The following BTRC variants were observed in gnomAD, a reference collection of about 807,000 sequenced individuals.
BTRC encodes F-box/WD repeat-containing protein 1A.
Under a neutral mutation model 85.5 loss-of-function variants are expected in BTRC, and 42 were observed. That is an observed-to-expected ratio of 0.49 (90% CI 0.38 to 0.64). BTRC has a LOEUF of 0.64. Among genes scored for constraint, BTRC ranks in the 30% least tolerant of loss-of-function variants. The pLI, the probability that BTRC is intolerant of heterozygous loss-of-function variation, is 0.00. For missense variants in BTRC, 594 were observed against 743.5 expected, an observed-to-expected ratio of 0.80 and a Z score of 2.34; for synonymous variants, 255 against 263.3, an observed-to-expected ratio of 0.97 and a Z score of 0.30.
At chr10:101,527,314 C>T (rs1488587190) in intron 6 of BTRC, among the ~76,000 whole-genome samples, 25 of 151,508 alleles carry the variant, frequency 1.7e-4, no homozygotes, top group Admixed American at 1.6e-3. Flanking sequence ...AATTTATTAA[C>T]ACATAATAAA....
At chr10:101,465,893 A>C (rs1003452464) in intron 3 of BTRC, among the ~76,000 whole-genome samples, 1 of 152,168 alleles carries the variant, frequency 6.6e-6, no homozygotes, top group Non-Finnish European at 1.5e-5. Flanking sequence ...TTTCAGAATA[A>C]TCTCATTTCT....
At chr10:101,478,572 C>G (rs1470455477) in intron 3 of BTRC, among the ~76,000 whole-genome samples, 1 of 151,792 alleles carries the variant, frequency 6.6e-6, no homozygotes, top group East Asian at 1.9e-4. Context: ...AGGAGGATCA[C>G]TTGAGCTCAG....
At chr10:101,526,249 T>A in intron 6 of BTRC, 50 bp downstream of exon 6, 1 of 1,529,512 alleles carries the variant, frequency 6.5e-7, no homozygotes, top group Non-Finnish European at 8.9e-7. Context: ...ACCTGGCCAT[T>A]CACAGTCACT....
At chr10:101,394,418 C>A (rs528529498) in intron 1 of BTRC, among the ~76,000 whole-genome samples, 73 of 152,262 alleles carry the variant, frequency 4.8e-4, no homozygotes, top group Middle Eastern at 3.4e-3. Flanking sequence ...TCCTGCTTGC[C>A]TGGCTTGTGG....
intron 2 of BTRC, among the ~76,000 whole-genome samples, chr10:101,442,336 A>G (rs1944709489): frequency 7.8e-6 from 1 of 127,790 alleles, no homozygotes; most frequent in South Asian, 2.4e-4. Context: ...GATAATTCCA[A>G]CCTTAACGGG....
chr10:101,369,320 A>G (rs1220721976), intron 1 of BTRC, among the ~76,000 whole-genome samples: 1 of 152,016 alleles, frequency 6.6e-6, no homozygotes, highest in East Asian at 1.9e-4. Flanking sequence ...CCTGGGCTCA[A>G]ACATCCTCCC....
At chr10:101,376,349 C>T (rs1942790856) in intron 1 of BTRC, among the ~76,000 whole-genome samples, 1 of 152,158 alleles carries the variant, frequency 6.6e-6, no homozygotes, top group Admixed American at 6.5e-5. Flanking sequence ...CAAGTGATGG[C>T]AGAATGAGAC....
At chr10:101,387,527 A>AGTTTTTTTTTTTTTTTTTTTTTTTTT (rs1564741908) in intron 1 of BTRC, among the ~76,000 whole-genome samples, 1 of 17,006 alleles carries the variant, frequency 5.9e-5, no homozygotes, top group Admixed American at 9.2e-4. Flanking sequence ...CCTTCATGGG[A>AGTTTTTTTTTTTTTTTTTTTTTTTTT]CTTTTTTTTT....
chr10:101,358,182 G>T (rs556852839), intron 1 of BTRC, among the ~76,000 whole-genome samples: 1 of 152,296 alleles, frequency 6.6e-6, no homozygotes, highest in Admixed American at 6.5e-5. Context: ...GCTTGCTGCA[G>T]CCTCAAACTC....
chr10:101,358,518 TGATA>T (rs1423041860), intron 1 of BTRC, among the ~76,000 whole-genome samples: 3 of 152,234 alleles, frequency 2.0e-5, no homozygotes, highest in Admixed American at 6.5e-5. Flanking sequence ...TTTATAGAGC[TGATA>T]GATAAATGAA....
rs573244896 is a variant in BTRC, at chr10:101,530,098, C to T, written c.744-1139C>T. Among the ~76,000 whole-genome samples the T allele has an allele frequency of 3.1e-4, 47 of 152,024 alleles. 1 individual carries two copies. The highest frequency in any genetic ancestry group is 2.0e-3 in the Admixed American group (30 of 15,260). On this transcript the variant is annotated intron_variant, in intron 6 of 14. Transcript: ENST00000370187. ...TGTAGCAAAGATCTAGCTTGGGATA[C>T]GAGTATTCCAGAGATGTGCTGTCAT...
chr10:101,536,747 A>AAATCTAT, intron 12 of BTRC, 94 bp downstream of exon 12: 8 of 939,668 alleles, frequency 8.5e-6, no homozygotes, highest in Non-Finnish European at 1.1e-5. Context: ...CTTGTTTCTA[A>AAATCTAT]AAGCTTATAG....
chr10:101,374,786 TAAA>T (rs35956327), intron 1 of BTRC, among the ~76,000 whole-genome samples: 18 of 145,408 alleles, frequency 1.2e-4, no homozygotes, highest in Admixed American at 6.8e-4. Flanking sequence ...GTATAATAAA[TAAA>T]AAAAAAAAAA....
chr10:101,510,082 C>T lies in BTRC; in HGVS notation c.325-11557C>T, dbSNP rs139401213. On this transcript the variant is annotated intron_variant, in intron 4 of 14. Coordinates refer to ENST00000370187, the MANE Select transcript of BTRC (RefSeq NM_033637.4). ...CTGGGAGGCGGAGGTTGCAGTGAGC[C>T]GAGATTGCACCATTGCACTCCAGCC... 8.8e-4 allele frequency among the ~76,000 whole-genome samples: 134 copies of T among 151,686 alleles called. 1 individual carries two copies. Among genetic ancestry groups the T allele is most frequent in the African/African-American group, 3.1e-3 (128 of 41,324 alleles).
intron 1 of BTRC, among the ~76,000 whole-genome samples, chr10:101,376,519 C>G (rs958482158): frequency 2.0e-5 from 3 of 152,156 alleles, no homozygotes; most frequent in Non-Finnish European, 2.9e-5. Flanking sequence ...AGAGGTATAT[C>G]TAGTGGAAGG....
chr10:101,357,085 C>T (rs1015159714), intron 1 of BTRC, among the ~76,000 whole-genome samples: 5 of 146,410 alleles, frequency 3.4e-5, no homozygotes, highest in African/African-American at 1.0e-4. Context: ...GCCAAGATCG[C>T]GCCACTGCAC....
intron 4 of BTRC, among the ~76,000 whole-genome samples, chr10:101,515,359 T>C (rs1168367862): frequency 6.6e-6 from 1 of 152,198 alleles, no homozygotes; most frequent in Non-Finnish European, 1.5e-5. Flanking sequence ...ACTTTGATAT[T>C]GCACTAACTC....
chr10:101,442,991 C>A (rs1046106704), intron 2 of BTRC, among the ~76,000 whole-genome samples: 2 of 151,714 alleles, frequency 1.3e-5, no homozygotes, highest in African/African-American at 4.8e-5. Flanking sequence ...ACACCATTCC[C>A]CTGCCTCAGC....
At chr10:101,424,477 TG>T (rs757040408) in intron 1 of BTRC, among the ~76,000 whole-genome samples, 13 of 152,230 alleles carry the variant, frequency 8.5e-5, no homozygotes, top group Non-Finnish European at 1.5e-4. Context: ...TTCTATTCCA[TG>T]GCTTAAGGAT....
Sources: gnomAD v4.1 joint callset for allele counts (sites outside exome capture counted in the v4.1 genomes callset) on GRCh38, gnomAD v4.1.1 for gene constraint, MANE v1.5 for transcripts, NCBI Gene and HGNC (gene_info 2026-07-23, HGNC 2026-07-21) for gene names.